The following ATP6AP2 variants were observed in gnomAD, a reference collection of about 807,000 sequenced individuals.
ATP6AP2 encodes ATPase H+ transporting accessory protein 2, also known as renin receptor.
Under a neutral mutation model 23.4 loss-of-function variants are expected in ATP6AP2, and 1 was observed. That is an observed-to-expected ratio of 0.04 (90% CI 0.02 to 0.20). ATP6AP2 has a LOEUF of 0.20. Ranked by LOEUF, ATP6AP2 falls within the 10% of genes least tolerant of loss-of-function variation. ATP6AP2 has a pLI of 1.00. For synonymous variants in ATP6AP2, 90 were observed against 97.1 expected (o/e 0.93, Z 0.43); for missense variants, 174 against 271.3 (o/e 0.64, Z 2.52).
intron 3 of ATP6AP2, 113 bp from the exon 4 acceptor site, chrX:40,597,136 T>C (rs902558250): frequency 1.1e-5 from 7 of 610,708 alleles, no homozygotes; most frequent in Non-Finnish European, 1.6e-5. Flanking sequence ...GCTTCTAAAT[T>C]TCCATAGAAA....
chrX:40,598,946 C>T (rs1926837731), intron 6 of ATP6AP2: 1 of 423,523 alleles, frequency 2.4e-6, no homozygotes, highest in Non-Finnish European at 4.1e-6. Context: ...GGAGAGACAA[C>T]ATATCTTCCA....
chrX:40,591,470 T>C, intron 3 of ATP6AP2, 105 bp downstream of exon 3: 1 of 936,563 alleles, frequency 1.1e-6, no homozygotes, highest in African/African-American at 1.9e-5. Flanking sequence ...CTGTTTTTGA[T>C]GCACAGTTTC....
intron 1 of ATP6AP2, among the ~76,000 whole-genome samples, chrX:40,581,345 C>A (rs759547865): frequency 8.8e-6 from 1 of 113,449 alleles, no homozygotes; most frequent in East Asian, 2.8e-4. Flanking sequence ...TGCCTCCACC[C>A]TCCACTTTGA....
intron 3 of ATP6AP2, 82 bp from the exon 4 acceptor site, chrX:40,597,167 G>A: frequency 1.3e-6 from 1 of 787,121 alleles, no homozygotes; most frequent in Non-Finnish European, 1.9e-6. Context: ...AAAGTTTAAG[G>A]CTTCTTTTTA....
chrX:40,600,395 C>A (rs1214720510), intron 7 of ATP6AP2: 1 of 122,880 alleles, frequency 8.1e-6, no homozygotes, highest in Non-Finnish European at 1.7e-5. Flanking sequence ...TTAGTCTAAA[C>A]ATTTGAATAT....
At chrX:40,581,899 T>G (rs1926336264) in intron 1 of ATP6AP2, among the ~76,000 whole-genome samples, 1 of 112,197 alleles carries the variant, frequency 8.9e-6, no homozygotes. Flanking sequence ...GTGATCAACC[T>G]AAATAAATTA....
chrX:40,590,084 C>T (rs967276501), intron 2 of ATP6AP2: 2 of 111,322 alleles, frequency 1.8e-5, no homozygotes, highest in African/African-American at 3.3e-5. Flanking sequence ...GCTGTGTCAC[C>T]CAAGCTGAGT....
chrX:40,602,351 A>G (rs1235608805), intron 8 of ATP6AP2, among the ~76,000 whole-genome samples: 1 of 97,568 alleles, frequency 1.0e-5, no homozygotes, highest in Non-Finnish European at 1.9e-5. Flanking sequence ...TCTCTTACAG[A>G]GTAAATAAAG....
intron 7 of ATP6AP2, chrX:40,600,554 A>G: frequency 3.2e-6 from 1 of 313,859 alleles, no homozygotes; most frequent in Non-Finnish European, 5.5e-6. Context: ...TAATTTTAAT[A>G]AGTATGTATT....
intron 6 of ATP6AP2, 173 bp downstream of exon 6, chrX:40,598,907 T>G (rs767303677): frequency 1.1e-5 from 5 of 473,866 alleles, no homozygotes; most frequent in Non-Finnish European, 1.8e-5. Flanking sequence ...CATGTTATAG[T>G]CAAATTATTT....
chrX:40,603,326 A>G (rs1341188827), intron 8 of ATP6AP2: 2 of 97,439 alleles, frequency 2.1e-5, no homozygotes, highest in African/African-American at 7.7e-5. Flanking sequence ...TTGTACACTT[A>G]AAATGGGTAG....
At chrX:40,582,406 C>T (rs1316267549) in intron 1 of ATP6AP2, among the ~76,000 whole-genome samples, 1 of 111,792 alleles carries the variant, frequency 8.9e-6, no homozygotes. Context: ...CCAGCCTGGG[C>T]GATAGAGCCA....
intron 1 of ATP6AP2, among the ~76,000 whole-genome samples, chrX:40,586,495 G>A (rs1245053605): frequency 1.8e-5 from 2 of 111,761 alleles, no homozygotes; most frequent in African/African-American, 6.5e-5. Context: ...AAATTCCTCT[G>A]TTTTCTCTGT....
chrX:40,592,499 A>AAAAG (rs886819378), intron 3 of ATP6AP2: 1 of 111,185 alleles, frequency 9.0e-6, no homozygotes, highest in Non-Finnish European at 1.9e-5. Flanking sequence ...GGGGGAAAAA[A>AAAAG]AAAGAAAGAA....
rs1442740945 is a variant in ATP6AP2, at chrX:40,599,634, T to A, written c.631T>A (p.Leu211Ile). 18 of 1,211,391 alleles carry A rather than the reference T, an allele frequency of 1.5e-5. No individual in the cohort carries two copies. Among genetic ancestry groups the A allele is most frequent in the Non-Finnish European group, 1.9e-5 (17 of 895,181 alleles). Residue 211 changes from leucine (L) to isoleucine (I), a missense_variant, in exon 7 of 9, where the codon TTA becomes ATA. Transcript: ENST00000636580. Reference sequence around the variant, plus strand: ...TCTAGCCAAGGATCATTCTCCTGATTTATATTCACTGGAGCTGGCAGGTTT... The same window carrying A: ...TCTAGCCAAGGATCATTCTCCTGATATATATTCACTGGAGCTGGCAGGTTT... Reference protein sequence around the residue: ...KHLAKDHSPDLYSLELAGLDE... With the variant: ...KHLAKDHSPDIYSLELAGLDE...
intron 8 of ATP6AP2, among the ~76,000 whole-genome samples, chrX:40,602,897 T>C (rs1280937438): frequency 1.0e-5 from 1 of 97,165 alleles, no homozygotes; most frequent in East Asian, 3.2e-4. Context: ...AGAGTGGGGA[T>C]GCCTCCCAGA....
At position 40,598,253 on chromosome X, in the gene ATP6AP2, C is replaced by T. The variant is rs1569260806; in HGVS notation, c.535-428C>T. 1.7e-5 allele frequency: 3 copies of T among 173,380 alleles called. No homozygotes were observed. In the Admixed American group the frequency reaches 2.2e-4, roughly 13 times the overall value. 14.3% of individuals were successfully genotyped at this position (173,380 alleles called of 1,213,427 possible). A position where few individuals can be genotyped will look rare whatever the true frequency, so the allele number is the denominator to read the frequency against. ...TCTTAACCATGTGGCATGCCACTTTCGTGGTGGCCTCCCCTTTTTATTTGC... is the reference window on the plus strand; with the variant it reads ...TCTTAACCATGTGGCATGCCACTTTTGTGGTGGCCTCCCCTTTTTATTTGC... On this transcript the variant is annotated intron_variant, in intron 5 of 8. Transcript: ENST00000636580.
chrX:40,600,100 A>T, intron 7 of ATP6AP2: 1 of 235,749 alleles, frequency 4.2e-6, no homozygotes, highest in Non-Finnish European at 7.7e-6. Context: ...TTCTATTTCT[A>T]GAACTTTTTC....
intron 8 of ATP6AP2, among the ~76,000 whole-genome samples, chrX:40,603,931 T>C (rs1015983192): frequency 9.0e-6 from 1 of 110,991 alleles, no homozygotes; most frequent in Non-Finnish European, 1.9e-5. Flanking sequence ...TGTTATCTTT[T>C]TAAGACAAAC....
Sources: gnomAD v4.1 joint callset for allele counts (sites outside exome capture counted in the v4.1 genomes callset) on GRCh38, gnomAD v4.1.1 for gene constraint, MANE v1.5 for transcripts, NCBI Gene and HGNC (gene_info 2026-07-23, HGNC 2026-07-21) for gene names.